RGS18: variants seen among roughly 807,000 people sequenced by gnomAD.
The protein encoded by RGS18 is regulator of G-protein signaling 18.
In RGS18, 22 loss-of-function variants were observed where a neutral mutation model predicts 27.6. That is an observed-to-expected ratio of 0.80 (90% CI 0.57 to 1.14). The LOEUF (loss-of-function observed/expected upper bound fraction) is 1.14. Ranked by LOEUF, RGS18 falls within the 50% of genes most tolerant of loss-of-function variation. The pLI is 0.00. For synonymous variants in RGS18, 89 were observed against 84.6 expected (o/e 1.05, Z -0.29); for missense variants, 299 against 269.6 (o/e 1.11, Z -0.76).
intron 3 of RGS18, among the ~76,000 whole-genome samples, chr1:192,165,635 G>T (rs936031334): frequency 1.3e-5 from 2 of 152,162 alleles, no homozygotes; most frequent in Non-Finnish European, 2.9e-5. Flanking sequence ...AAATAGAAAA[G>T]AACCTATGTT....
intron 3 of RGS18, among the ~76,000 whole-genome samples, chr1:192,171,313 G>A (rs1183262314): frequency 2.0e-5 from 3 of 151,928 alleles, no homozygotes; most frequent in South Asian, 2.1e-4. Context: ...AGAGTTTGCC[G>A]ACTCATTCAA....
In RGS18 at chr1:192,171,248, A is replaced by G. The variant is rs548852614; in HGVS notation, c.284-10044A>G. On this transcript the variant is annotated intron_variant, in intron 3 of 4. Coordinates refer to ENST00000367460, the MANE Select transcript of RGS18 (RefSeq NM_130782.3). The stretch of plus-strand genomic sequence containing the variant: ...GAGAAATCAATCTTGAAAAGAATAC[A>G]CTAACTGAGCTAGAGAAAGAAGAGC... Among the ~76,000 whole-genome samples, 6 of 152,002 alleles carry G rather than the reference A, an allele frequency of 3.9e-5. No individual in the cohort carries two copies. The East Asian group carries it at 1.2e-3, about 30-fold the overall frequency.
At chr1:192,161,978 C>G (rs1176716756) in intron 3 of RGS18, among the ~76,000 whole-genome samples, 1 of 152,156 alleles carries the variant, frequency 6.6e-6, no homozygotes, top group Admixed American at 6.5e-5. Flanking sequence ...TACCTGAAAA[C>G]TTTCCCTCTG....
chr1:192,161,915 C>G, intron 3 of RGS18, among the ~76,000 whole-genome samples: 1 of 152,126 alleles, frequency 6.6e-6, no homozygotes, highest in South Asian at 2.1e-4. Context: ...TCTTGGTGAC[C>G]TTTTCATGTT....
At chr1:192,181,240 T>C in intron 3 of RGS18, 52 bp from the exon 4 acceptor site, 1 of 1,025,738 alleles carries the variant, frequency 9.7e-7, no homozygotes, top group Non-Finnish European at 1.4e-6. Context: ...AATCAGTAAA[T>C]GTTTCCAACA....
At chr1:192,182,834 T>C (rs759766677) in intron 4 of RGS18, among the ~76,000 whole-genome samples, 14 of 151,612 alleles carry the variant, frequency 9.2e-5, no homozygotes, top group Non-Finnish European at 4.4e-5. Flanking sequence ...GAAGTTTGCA[T>C]CATATACCAA....
intron 3 of RGS18, among the ~76,000 whole-genome samples, chr1:192,175,573 T>C (rs1458061852): frequency 6.6e-6 from 1 of 151,880 alleles, no homozygotes; most frequent in Non-Finnish European, 1.5e-5. Context: ...CTTTCTTTGG[T>C]ATCTCTTCTA....
At chr1:192,162,896 T>C (rs1656098638) in intron 3 of RGS18, among the ~76,000 whole-genome samples, 1 of 152,114 alleles carries the variant, frequency 6.6e-6, no homozygotes, top group East Asian at 1.9e-4. Context: ...TTCTTTATAA[T>C]ATAAGTATTT....
chr1:192,172,892 T>A (rs955650445), intron 3 of RGS18, among the ~76,000 whole-genome samples: 19 of 127,864 alleles, frequency 1.5e-4, no homozygotes, highest in African/African-American at 5.0e-4. Context: ...TAAATATATA[T>A]ATATACACAT....
At chr1:192,164,918 A>G (rs573318677) in intron 3 of RGS18, among the ~76,000 whole-genome samples, 104 of 152,182 alleles carry the variant, frequency 6.8e-4, no homozygotes, top group Non-Finnish European at 1.2e-3. Flanking sequence ...TGTGTGTTTG[A>G]ACGATATGAA....
chr1:192,180,760 T>C (rs1351288403), intron 3 of RGS18, among the ~76,000 whole-genome samples: 2 of 151,674 alleles, frequency 1.3e-5, no homozygotes, highest in Non-Finnish European at 3.0e-5. Flanking sequence ...AGCCTGCAAA[T>C]TGAAGCCTTG....
intron 3 of RGS18, 38 bp downstream of exon 3, chr1:192,160,477 T>C (rs1465978335): frequency 6.2e-6 from 9 of 1,457,898 alleles, no homozygotes; most frequent in Non-Finnish European, 6.7e-6. Flanking sequence ...GTGTGCTTAA[T>C]GGAAAATTAC....
At chr1:192,161,078 C>G (rs1338768179) in intron 3 of RGS18, among the ~76,000 whole-genome samples, 2 of 152,210 alleles carry the variant, frequency 1.3e-5, no homozygotes, top group Non-Finnish European at 2.9e-5. Context: ...TCTCAATCTG[C>G]TGACCTGGTG....
At chr1:192,176,948 C>T (rs866273698) in intron 3 of RGS18, among the ~76,000 whole-genome samples, 2 of 151,742 alleles carry the variant, frequency 1.3e-5, no homozygotes, top group Non-Finnish European at 2.9e-5. Context: ...AAAATTGATG[C>T]TGTCATCTTG....
At chr1:192,176,909 T>C (rs185680761) in intron 3 of RGS18, among the ~76,000 whole-genome samples, 10 of 151,954 alleles carry the variant, frequency 6.6e-5, no homozygotes, top group African/African-American at 2.4e-4. Flanking sequence ...GACTGGCATT[T>C]ACCACAAACT....
intron 3 of RGS18, among the ~76,000 whole-genome samples, chr1:192,164,797 T>A (rs924272767): frequency 2.0e-5 from 3 of 152,202 alleles, no homozygotes; most frequent in Non-Finnish European, 4.4e-5. Context: ...TAATTTCCTA[T>A]GCTTGACTTT....
chr1:192,164,975 A>G (rs1013511125), intron 3 of RGS18, among the ~76,000 whole-genome samples: 1 of 152,180 alleles, frequency 6.6e-6, no homozygotes. Context: ...TGTTCAGGGA[A>G]CAAGGGAGAT....
At chr1:192,160,681 T>TAGTTTC (rs1240650889) in intron 3 of RGS18, 1 of 407,594 alleles carries the variant, frequency 2.5e-6, no homozygotes, top group Admixed American at 4.2e-5. Flanking sequence ...ATACTGTAGC[T>TAGTTTC]AGTTTCAGTT....
At chr1:192,165,316 A>T (rs1366952399) in intron 3 of RGS18, among the ~76,000 whole-genome samples, 1 of 152,198 alleles carries the variant, frequency 6.6e-6, no homozygotes, top group Non-Finnish European at 1.5e-5. Flanking sequence ...ATGTTTATCG[A>T]CGACAATGCT....
Sources: allele counts gnomAD v4.1 joint callset (sites outside exome capture counted in the v4.1 genomes callset), GRCh38; gene constraint gnomAD v4.1.1; transcripts MANE v1.5; gene names NCBI Gene and HGNC (gene_info 2026-07-23, HGNC 2026-07-21).